CHST8: variants seen among roughly 807,000 people sequenced by gnomAD.
CHST8 encodes the protein carbohydrate sulfotransferase 8, also known as GALNAC-4-ST1.
A neutral mutation model predicts 15.0 loss-of-function variants in CHST8; 10 were observed. That is an observed-to-expected ratio of 0.67 (90% CI 0.41 to 1.13). The LOEUF is 1.13. CHST8 is among the 50% of genes most tolerant of loss of function. CHST8 has a pLI of 0.00. For missense variants in CHST8, 634 were observed against 608.2 expected (o/e 1.04, Z -0.45); for synonymous variants, 259 against 256.6 (o/e 1.01, Z -0.09).
intron 1 of CHST8, among the ~76,000 whole-genome samples, chr19:33,633,763 GTT>G (rs1000016736): frequency 3.6e-5 from 5 of 137,848 alleles, no homozygotes; most frequent in African/African-American, 1.4e-4. Flanking sequence ...CTGTTGAACA[GTT>G]TTCTTTTTCG....
chr19:33,745,724 T>C (rs920897440), intron 3 of CHST8, among the ~76,000 whole-genome samples: 9 of 152,326 alleles, frequency 5.9e-5, no homozygotes, highest in Admixed American at 6.5e-5. Context: ...TCCCACAGAA[T>C]TGACCTGAAT....
intron 2 of CHST8, among the ~76,000 whole-genome samples, chr19:33,682,690 GA>G (rs1209901879): frequency 1.6e-4 from 25 of 152,330 alleles, no homozygotes; most frequent in African/African-American, 6.0e-4. Flanking sequence ...CACTTAACAT[GA>G]TGGCTTCAAG....
chr19:33,694,921 C>T (rs991386401), intron 3 of CHST8, among the ~76,000 whole-genome samples: 3 of 147,492 alleles, frequency 2.0e-5, no homozygotes, highest in African/African-American at 7.4e-5. Flanking sequence ...CCCTTCCCTC[C>T]CTTCCCCTCC....
intron 3 of CHST8, among the ~76,000 whole-genome samples, chr19:33,766,791 G>T (rs1161389299): frequency 6.6e-6 from 1 of 152,254 alleles, no homozygotes; most frequent in Admixed American, 6.5e-5. Context: ...TCCCTGGCCT[G>T]TTGGGCAATG....
chr19:33,702,889 G>T (rs572986815), intron 3 of CHST8, among the ~76,000 whole-genome samples: 1 of 152,350 alleles, frequency 6.6e-6, no homozygotes, highest in South Asian at 2.1e-4. Flanking sequence ...CTGGAGTGCT[G>T]GGACTGCTCC....
chr19:33,754,048 A>C (rs1195471295), intron 3 of CHST8, among the ~76,000 whole-genome samples: 15 of 3,684 alleles, frequency 4.1e-3, no homozygotes, highest in South Asian at 0.031. Flanking sequence ...CCATCCCCCA[A>C]CAACCTCCCA....
At chr19:33,737,124 C>G (rs1245675571) in intron 3 of CHST8, among the ~76,000 whole-genome samples, 3 of 152,184 alleles carry the variant, frequency 2.0e-5, no homozygotes, top group African/African-American at 7.2e-5. Context: ...CAGCTCCTTT[C>G]CAGAAAAACT....
chr19:33,675,369 T>C (rs935003021), intron 2 of CHST8, among the ~76,000 whole-genome samples: 2 of 152,212 alleles, frequency 1.3e-5, no homozygotes, highest in African/African-American at 4.8e-5. Flanking sequence ...TCTGTAGCCA[T>C]TGAACCATGA....
chr19:33,663,029 G>A (rs983040782), intron 1 of CHST8, among the ~76,000 whole-genome samples: 1 of 152,158 alleles, frequency 6.6e-6, no homozygotes, highest in African/African-American at 2.4e-5. Context: ...CAAAGACCCC[G>A]TGATGGTGTC....
chr19:33,673,291 C>T (rs367827733), intron 2 of CHST8, among the ~76,000 whole-genome samples: 2 of 152,140 alleles, frequency 1.3e-5, no homozygotes, highest in South Asian at 2.1e-4. Flanking sequence ...GTGATTGGGA[C>T]GAGTGAATAT....
intron 3 of CHST8, among the ~76,000 whole-genome samples, chr19:33,737,608 G>T (rs576790261): frequency 7.9e-5 from 12 of 152,292 alleles, no homozygotes; most frequent in South Asian, 2.1e-4. Context: ...AAGGCTGTGG[G>T]CATCTGTTTG....
In CHST8 at chr19:33,765,053, C is replaced by CATATATATATATAT. The variant is rs72103213; in HGVS notation, c.131-6353_131-6340dup. On this transcript the variant is annotated intron_variant, in intron 3 of 4. Transcript: ENST00000650847. Reference sequence around the variant, plus strand: ...TTTTTATGGCTAAGTACTATTCCATCATATATATATATATATATATCAGAG... The same window carrying CATATATATATATAT: ...TTTTTATGGCTAAGTACTATTCCATCATATATATATATATATATATATATATATATATATCAGAG... 8.8e-4 allele frequency among the ~76,000 whole-genome samples: 77 copies of CATATATATATATAT among 87,672 alleles called. 10 individuals are homozygous for CATATATATATATAT. The highest frequency in any genetic ancestry group is 3.8e-3 in the African/African-American group (63 of 16,638). 57.5% of individuals were successfully genotyped at this position (87,672 alleles called of 152,430 possible). A position where few individuals can be genotyped will look rare whatever the true frequency, so the allele number is the denominator to read the frequency against.
chr19:33,708,290 G>A (rs1416973287), intron 3 of CHST8, among the ~76,000 whole-genome samples: 4 of 152,088 alleles, frequency 2.6e-5, no homozygotes, highest in South Asian at 2.1e-4. Flanking sequence ...TTTGTGTTGC[G>A]TCTAAGAAAT....
intron 3 of CHST8, among the ~76,000 whole-genome samples, chr19:33,708,005 G>C (rs74959832): frequency 0.029 from 4,377 of 152,206 alleles, 152 homozygotes; most frequent in African/African-American, 0.081. Flanking sequence ...TCTCTAATGA[G>C]TACTATTAAG....
chr19:33,661,494 G>A (rs928556067), intron 1 of CHST8, among the ~76,000 whole-genome samples: 7 of 152,180 alleles, frequency 4.6e-5, no homozygotes, highest in South Asian at 4.1e-4. Context: ...CCGCACTCAC[G>A]GAGCCCCTCT....
At chr19:33,683,329 G>A (rs983140593) in intron 2 of CHST8, among the ~76,000 whole-genome samples, 2 of 152,198 alleles carry the variant, frequency 1.3e-5, no homozygotes, top group African/African-American at 4.8e-5. Context: ...TATGTAGAGG[G>A]AGAATCAACA....
At chr19:33,649,607 G>A (rs185064431) in intron 1 of CHST8, among the ~76,000 whole-genome samples, 5 of 152,252 alleles carry the variant, frequency 3.3e-5, no homozygotes, top group Non-Finnish European at 5.9e-5. Flanking sequence ...AAACATGCAC[G>A]TTACATGCGT....
chr19:33,658,260 AACTCGGGAG>A (rs1972539259), intron 1 of CHST8, among the ~76,000 whole-genome samples: 1 of 152,198 alleles, frequency 6.6e-6, no homozygotes. Context: ...GAATTACTTG[AACTCGGGAG>A]GCGGAGATTG....
intron 3 of CHST8, among the ~76,000 whole-genome samples, chr19:33,697,124 G>C (rs1166072350): frequency 6.6e-6 from 1 of 151,884 alleles, no homozygotes; most frequent in East Asian, 1.9e-4. Flanking sequence ...ATTACAGGCG[G>C]GAACCACCTT....
Sources: allele counts gnomAD v4.1 joint callset (sites outside exome capture counted in the v4.1 genomes callset), GRCh38; gene constraint gnomAD v4.1.1; transcripts MANE v1.5; gene names NCBI Gene and HGNC (gene_info 2026-07-23, HGNC 2026-07-21).